XKR4: variants seen among roughly 807,000 people sequenced by gnomAD.
XKR4 encodes XK related 4, also known as XK-related protein 4.
A neutral mutation model predicts 53.9 loss-of-function variants in XKR4; 12 were observed. The observed-to-expected ratio is 0.22, with a 90% CI of 0.14 to 0.36. XKR4 has a LOEUF of 0.36. Among genes scored for constraint, XKR4 ranks in the 10% least tolerant of loss-of-function variants. The probability of loss-of-function intolerance (pLI) is 1.00; values close to 1 mark genes in which losing one functional copy is unlikely to be tolerated. For synonymous variants in XKR4, 354 were observed against 362.4 expected, an observed-to-expected ratio of 0.98 and a Z score of 0.26; for missense variants, 799 against 859.5, an observed-to-expected ratio of 0.93 and a Z score of 0.88.
chr8:55,488,223 A>T (rs1806223034), intron 2 of XKR4, among the ~76,000 whole-genome samples: 1 of 152,230 alleles, frequency 6.6e-6, no homozygotes, highest in Non-Finnish European at 1.5e-5. Flanking sequence ...AATACTGATG[A>T]GGATGCGGGG....
At chr8:55,369,164 C>A in intron 2 of XKR4, among the ~76,000 whole-genome samples, 1 of 151,602 alleles carries the variant, frequency 6.6e-6, no homozygotes, top group Non-Finnish European at 1.5e-5. Flanking sequence ...GAGTTTGAGA[C>A]CAGCCTGAGC....
rs11433893 is a variant in XKR4, at chr8:55,213,856, CTTTTT to C, written c.806+110585_806+110589del. Among the ~76,000 whole-genome samples, 55 of 82,346 alleles carry C rather than the reference CTTTTT, an allele frequency of 6.7e-4. 2 individuals carry two copies. The highest frequency in any genetic ancestry group is 1.0e-3 in the South Asian group (2 of 1,954). The allele number at this position is 82,346 out of a possible 152,430, so 54.0% of individuals were successfully genotyped here. ...TTAATACTTCTTTTTTTCTTTCTTT[CTTTTT>C]TTTTTTTTTTTTTTTTTTTTTTGAG... On this transcript the variant is annotated intron_variant, in intron 1 of 2. Transcript: ENST00000327381.
At chr8:55,351,136 C>T (rs1313343458) in intron 1 of XKR4, among the ~76,000 whole-genome samples, 1 of 152,128 alleles carries the variant, frequency 6.6e-6, no homozygotes, top group Non-Finnish European at 1.5e-5. Context: ...CTGAACTGCA[C>T]ACTTAAAATA....
intron 2 of XKR4, among the ~76,000 whole-genome samples, chr8:55,485,439 A>C (rs986380452): frequency 6.6e-6 from 1 of 152,214 alleles, no homozygotes; most frequent in African/African-American, 2.4e-5. Context: ...AACATAGAAA[A>C]CTGAATTATA....
At chr8:55,171,681 C>G (rs562446473) in intron 1 of XKR4, among the ~76,000 whole-genome samples, 2 of 152,154 alleles carry the variant, frequency 1.3e-5, no homozygotes, top group African/African-American at 4.8e-5. Context: ...GTTGGGCAGC[C>G]TGCCAACACT....
intron 2 of XKR4, among the ~76,000 whole-genome samples, chr8:55,482,094 C>T (rs1210856312): frequency 1.3e-5 from 2 of 152,218 alleles, no homozygotes; most frequent in South Asian, 2.1e-4. Context: ...GACACATGCA[C>T]ACGTATGTTT....
At chr8:55,185,206 C>T (rs1817360173) in intron 1 of XKR4, among the ~76,000 whole-genome samples, 1 of 152,192 alleles carries the variant, frequency 6.6e-6, no homozygotes, top group African/African-American at 2.4e-5. Context: ...GAGGCAATCT[C>T]ATTTGCAAAA....
chr8:55,203,660 C>T (rs556625534), intron 1 of XKR4, among the ~76,000 whole-genome samples: 1 of 152,258 alleles, frequency 6.6e-6, no homozygotes, highest in East Asian at 1.9e-4. Context: ...CTCAGCACCA[C>T]GTCCAGGCCA....
At chr8:55,501,556 T>C (rs2658936) in intron 2 of XKR4, among the ~76,000 whole-genome samples, 57,951 of 152,042 alleles carry the variant, frequency 0.38, 13,186 homozygotes, top group African/African-American at 0.64. Flanking sequence ...TCATGCCATA[T>C]TTGTCTTTTT....
intron 2 of XKR4, among the ~76,000 whole-genome samples, chr8:55,377,173 G>A (rs1804163942): frequency 6.6e-6 from 1 of 152,166 alleles, no homozygotes. Context: ...ATGGAAACTT[G>A]AGTCAAAAAA....
rs1806944745 is a variant in XKR4, at chr8:55,530,969, G to C, written c.*6742G>C. 3 of 152,150 alleles carry C rather than the reference G, an allele frequency of 2.0e-5. No homozygotes were observed. Among genetic ancestry groups the C allele is most frequent in the Admixed American group, 6.5e-5 (1 of 15,284 alleles). The allele number at this position is 152,150 out of a possible 1,614,324, so 9.4% of individuals were successfully genotyped here. A position where few individuals can be genotyped will look rare whatever the true frequency, so the allele number is the denominator to read the frequency against. Reference sequence around the variant, plus strand: ...GAAAGTTGCACTGGAATAGCTCATAGTCTGGCTATTAGCAGCACAATCATA... The same window carrying C: ...GAAAGTTGCACTGGAATAGCTCATACTCTGGCTATTAGCAGCACAATCATA... On this transcript the variant is annotated 3_prime_UTR_variant, in exon 3 of 3. Transcript: ENST00000327381.
chr8:55,117,911 C>G (rs7822585), intron 1 of XKR4, among the ~76,000 whole-genome samples: 1 of 152,154 alleles, frequency 6.6e-6, no homozygotes, highest in African/African-American at 2.4e-5. Context: ...AGCTGTTGGA[C>G]TCAAATTTGA....
chr8:55,290,058 T>C (rs1818996756), intron 1 of XKR4, among the ~76,000 whole-genome samples: 1 of 152,086 alleles, frequency 6.6e-6, no homozygotes, highest in South Asian at 2.1e-4. Context: ...GATACCTCAT[T>C]GTGGTTTTAA....
intron 1 of XKR4, among the ~76,000 whole-genome samples, chr8:55,291,423 AT>A (rs1380768447): frequency 1.3e-5 from 2 of 152,202 alleles, no homozygotes; most frequent in African/African-American, 2.4e-5. Flanking sequence ...TTTTACAGAA[AT>A]TTTGTTAAAA....
At chr8:55,307,898 G>A (rs562388884) in intron 1 of XKR4, among the ~76,000 whole-genome samples, 1 of 152,276 alleles carries the variant, frequency 6.6e-6, no homozygotes, top group South Asian at 2.1e-4. Flanking sequence ...TTGGTAGTTT[G>A]TTATAAAACT....
At chr8:55,357,451 CAGA>C (rs1305475394) in intron 1 of XKR4, among the ~76,000 whole-genome samples, 2 of 152,156 alleles carry the variant, frequency 1.3e-5, no homozygotes, top group African/African-American at 4.8e-5. Flanking sequence ...TGCAATTGAG[CAGA>C]AGGTCTTTAT....
At chr8:55,113,137 A>G (rs1309870782) in intron 1 of XKR4, among the ~76,000 whole-genome samples, 1 of 152,194 alleles carries the variant, frequency 6.6e-6, no homozygotes, top group East Asian at 1.9e-4. Flanking sequence ...ACAATTATTT[A>G]AGGATATAAT....
chr8:55,127,287 C>G (rs998392762), intron 1 of XKR4, among the ~76,000 whole-genome samples: 10 of 149,010 alleles, frequency 6.7e-5, no homozygotes, highest in African/African-American at 2.5e-4. Context: ...GAGTCTCACT[C>G]TGTCGGCCAG....
At chr8:55,169,675 TC>T (rs899670636) in intron 1 of XKR4, among the ~76,000 whole-genome samples, 8 of 152,222 alleles carry the variant, frequency 5.3e-5, no homozygotes, top group African/African-American at 1.9e-4. Flanking sequence ...TTTCATTTTT[TC>T]CCCACGTTCC....
Sources: gnomAD v4.1 joint callset for allele counts (sites outside exome capture counted in the v4.1 genomes callset) on GRCh38, gnomAD v4.1.1 for gene constraint, MANE v1.5 for transcripts, NCBI Gene and HGNC (gene_info 2026-07-23, HGNC 2026-07-21) for gene names.